The following ALS2 variants were observed in gnomAD, a reference collection of about 807,000 sequenced individuals.
ALS2 encodes alsin Rho guanine nucleotide exchange factor ALS2.
Under a neutral mutation model 203.4 loss-of-function variants are expected in ALS2, and 117 were observed. The ratio of observed to expected loss-of-function variants is 0.58; its 90% CI spans 0.50 to 0.67. ALS2 has a LOEUF of 0.67. ALS2 is among the 30% of genes least tolerant of loss of function. The pLI is 0.00. For synonymous variants in ALS2, 718 were observed against 725.9 expected (o/e 0.99, Z 0.17); for missense variants, 1,715 against 1,989.4 (o/e 0.86, Z 2.62).
At chr2:201,745,773 A>G (rs1323516811) in intron 9 of ALS2, among the ~76,000 whole-genome samples, 1 of 152,004 alleles carries the variant, frequency 6.6e-6, no homozygotes. Context: ...ACGTGGTGAA[A>G]CCCCGTCTCT....
chr2:201,749,580 C>T, intron 8 of ALS2, 132 bp downstream of exon 8: 1 of 875,766 alleles, frequency 1.1e-6, no homozygotes, highest in Non-Finnish European at 1.8e-6. Flanking sequence ...TAAAAATTTT[C>T]TTATGAAAAC....
chr2:201,708,847 C>T (rs1689876177), intron 27 of ALS2, among the ~76,000 whole-genome samples: 1 of 148,782 alleles, frequency 6.7e-6, no homozygotes, highest in African/African-American at 2.5e-5. Context: ...AGACTTACAT[C>T]TTGCACCTCC....
intron 23 of ALS2, 145 bp downstream of exon 23, chr2:201,722,898 T>C: frequency 3.1e-6 from 2 of 648,014 alleles, no homozygotes; most frequent in Non-Finnish European, 5.4e-6. Context: ...GGTGGTGGTT[T>C]GTACAGCCAT....
At chr2:201,705,847 G>A (rs1420768533) in intron 29 of ALS2, among the ~76,000 whole-genome samples, 1 of 152,110 alleles carries the variant, frequency 6.6e-6, no homozygotes, top group Admixed American at 6.5e-5. Flanking sequence ...TAGCTGGGAG[G>A]CTGAGGCACG....
chr2:201,708,449 G>A (rs987869976), intron 27 of ALS2, among the ~76,000 whole-genome samples: 58 of 152,042 alleles, frequency 3.8e-4, no homozygotes, highest in African/African-American at 1.4e-3. Flanking sequence ...TGTGTTGCAC[G>A]GATATATCAG....
chr2:201,753,973 C>A (rs1693225304), intron 6 of ALS2, among the ~76,000 whole-genome samples: 1 of 151,932 alleles, frequency 6.6e-6, no homozygotes, highest in South Asian at 2.1e-4. Context: ...GAAAAGCGCA[C>A]CATGGATACT....
At position 201,704,501 on chromosome 2, in the gene ALS2, G is replaced by A; in HGVS notation, c.4791C>T (p.Ser1597=). 7 of 1,614,082 alleles carry A rather than the reference G, an allele frequency of 4.3e-6. No homozygotes were observed. The highest frequency in any genetic ancestry group is 5.9e-6 in the Non-Finnish European group (7 of 1,180,010). ...LASLHEDFLW[S]MDDLFPVFLY... ...AGAAAACAGGAAACAAGTCATCCAT[G>A]GACCACAAGAAGTCTTCGTGGAGTG... The change falls in exon 32 of 34, where the codon TCC becomes TCT. Residue 1597 remains serine (S), a synonymous_variant. Transcript: ENST00000264276.
In ALS2 at chr2:201,711,075, T is replaced by C; in HGVS notation, c.4038A>G (p.Thr1346=). The C allele has an allele frequency of 6.2e-7, 1 of 1,611,520 alleles. No homozygotes were observed. The highest frequency in any genetic ancestry group is 8.5e-7 in the Non-Finnish European group (1 of 1,177,902). Residue 1346 remains threonine (T), a synonymous_variant, in exon 26 of 34, where the codon ACA becomes ACG. Coordinates refer to ENST00000264276, the MANE Select transcript of ALS2 (RefSeq NM_020919.4). ...GTGGAATGAATTCCAAACTCTCTAG[T>C]GTCTGAGTCTGTGAACGACTCAGTA... ...PEILSRSQTQ[T]LESLEFIPQH...
At chr2:201,747,565 C>T (rs911295993) in intron 8 of ALS2, among the ~76,000 whole-genome samples, 12 of 151,670 alleles carry the variant, frequency 7.9e-5, no homozygotes, top group Non-Finnish European at 1.6e-4. Context: ...ATTCTCCTGC[C>T]TCAGCCTCCC....
chr2:201,745,764 C>T (rs1439070645), intron 9 of ALS2, among the ~76,000 whole-genome samples: 4 of 152,052 alleles, frequency 2.6e-5, no homozygotes, highest in African/African-American at 7.2e-5. Flanking sequence ...GCCTGACCAA[C>T]GTGGTGAAAC....
rs1692274574 is a variant in ALS2, at chr2:201,741,639, C to G, written c.2351+35G>C. On this transcript the variant is annotated intron_variant, in intron 11 of 33. Coordinates refer to ENST00000264276, the MANE Select transcript of ALS2 (RefSeq NM_020919.4). ...TGTTCTCCTTGGCAGAATAACCCTG[C>G]AGAGATTGAACATGACACGGGACTG... 1.9e-6 allele frequency: 3 copies of G among 1,602,422 alleles called. No individual in the cohort carries two copies. The African/African-American group carries it at 4.0e-5, about 21-fold the overall frequency.
At chr2:201,767,521 G>A in intron 2 of ALS2, 138 bp from the exon 3 acceptor site, 1 of 969,672 alleles carries the variant, frequency 1.0e-6, no homozygotes, top group South Asian at 1.5e-5. Flanking sequence ...CCTATTTTAT[G>A]CTTTGGTTAT....
chr2:201,734,229 C>G (rs1464767642), intron 12 of ALS2, among the ~76,000 whole-genome samples: 1 of 152,162 alleles, frequency 6.6e-6, no homozygotes, highest in African/African-American at 2.4e-5. Flanking sequence ...AATCCCAGCA[C>G]TTTGGGCTGC....
chr2:201,719,628 C>T (rs1252687483), intron 23 of ALS2, among the ~76,000 whole-genome samples: 1 of 148,898 alleles, frequency 6.7e-6, no homozygotes, highest in African/African-American at 2.4e-5. Flanking sequence ...AATAAAAGTG[C>T]CAGAGGGAAC....
rs3731702 is a variant in ALS2 at position 201,742,141 on chromosome 2, G to A, written c.2171-287C>T. On this transcript the variant is annotated intron_variant, in intron 10 of 33. Transcript: ENST00000264276. ...ATTTTAAAGATGAGCCAAATTTGAG[G>A]ACCACTGAGCTAATGCAACTCTCTG... Among the ~76,000 whole-genome samples the A allele has an allele frequency of 0.57, 86,322 of 152,010 alleles. 27,364 individuals are homozygous for A. The highest frequency in any genetic ancestry group is 0.72 in the Admixed American group (10,933 of 15,284).
chr2:201,760,588 T>G, intron 4 of ALS2: 2 of 1,199,062 alleles, frequency 1.7e-6, no homozygotes, highest in Non-Finnish European at 2.1e-6. Context: ...AATTCAGTAC[T>G]TTAGCCATAG....
intron 31 of ALS2, among the ~76,000 whole-genome samples, chr2:201,704,901 T>C (rs1474576017): frequency 6.6e-6 from 1 of 152,190 alleles, no homozygotes; most frequent in Non-Finnish European, 1.5e-5. Context: ...AAGATGTGAT[T>C]ATATGGATAA....
chr2:201,712,762 AAAG>A lies in ALS2; in HGVS notation c.4005-1657_4005-1655del, dbSNP rs1453631544. Among the ~76,000 whole-genome samples, 240 of 29,822 alleles carry A rather than the reference AAAG, an allele frequency of 8.0e-3. 2 individuals carry two copies. The highest frequency in any genetic ancestry group is 7.7e-3 in the Non-Finnish European group (81 of 10,540). 19.6% of individuals were successfully genotyped at this position (29,822 alleles called of 152,430 possible). A position where few individuals can be genotyped will look rare whatever the true frequency, so the allele number is the denominator to read the frequency against. ...GAAAAGCAGGAGAAAAGAAAAAAAA[AAAG>A]AAAAGAAGGTGAAAAAGAAAATTTT... On this transcript the variant is annotated intron_variant, in intron 25 of 33. Coordinates refer to ENST00000264276, the MANE Select transcript of ALS2 (RefSeq NM_020919.4).
Position 201,761,658 on chromosome 2 carries a change from C to G in ALS2, c.336G>C (p.Ala112=), listed in dbSNP as rs551695609. ...CAGCAGAATTCTCTCCCCACATGTA[C>G]GCGACACCATTGTCTGTCACTGCTC... The part of the protein sequence containing the change: ...HSGAVTDNGV[A]YMWGENSAGQ... Residue 112 remains alanine (A), a synonymous_variant, in exon 4 of 34, where the codon GCG becomes GCC. Transcript: ENST00000264276. 7 of 1,614,002 alleles carry G rather than the reference C, an allele frequency of 4.3e-6. No homozygotes were observed. The highest frequency in any genetic ancestry group is 1.3e-5 in the African/African-American group (1 of 74,892).
Sources: allele counts gnomAD v4.1 joint callset (sites outside exome capture counted in the v4.1 genomes callset), GRCh38; gene constraint gnomAD v4.1.1; transcripts MANE v1.5; gene names NCBI Gene and HGNC (gene_info 2026-07-23, HGNC 2026-07-21).